MECOM: variants seen among roughly 807,000 people sequenced by gnomAD.
MECOM encodes MDS1 and EVI1 complex locus.
Under a neutral mutation model 116.3 loss-of-function variants are expected in MECOM, and 13 were observed. The observed-to-expected ratio is 0.11, with a 90% CI of 0.07 to 0.18. The LOEUF is 0.18. Among genes scored for constraint, MECOM ranks in the 10% least tolerant of loss-of-function variants. The probability of loss-of-function intolerance (pLI) is 1.00; values close to 1 mark genes in which losing one functional copy is unlikely to be tolerated. For synonymous variants in MECOM, 528 were observed against 535.2 expected (o/e 0.99, Z 0.19); for missense variants, 1,299 against 1,509.0 (o/e 0.86, Z 2.31).
At chr3:169,473,902 A>G (rs1275092740) in intron 1 of MECOM, among the ~76,000 whole-genome samples, 1 of 113,476 alleles carries the variant, frequency 8.8e-6, no homozygotes, top group Non-Finnish European at 1.7e-5. Flanking sequence ...TTATATCTAT[A>G]GATAGATAGA....
chr3:169,097,302 T>C (rs906820129), intron 12 of MECOM, among the ~76,000 whole-genome samples: 1 of 152,110 alleles, frequency 6.6e-6, no homozygotes, highest in Non-Finnish European at 1.5e-5. Context: ...CAATGATCAG[T>C]TGTTACTTTC....
At chr3:169,086,732 G>A (rs1351944765) in intron 16 of MECOM, among the ~76,000 whole-genome samples, 1 of 152,162 alleles carries the variant, frequency 6.6e-6, no homozygotes, top group East Asian at 1.9e-4. Context: ...TTTCTTGAGG[G>A]AGAGCACATG....
At chr3:169,447,328 G>C (rs1744817122) in intron 1 of MECOM, among the ~76,000 whole-genome samples, 2 of 152,030 alleles carry the variant, frequency 1.3e-5, no homozygotes, top group South Asian at 2.1e-4. Context: ...GGCAAAGCAG[G>C]CATTTTGTAA....
intron 1 of MECOM, among the ~76,000 whole-genome samples, chr3:169,452,020 T>C (rs569556815): frequency 1.3e-5 from 2 of 152,096 alleles, no homozygotes; most frequent in South Asian, 4.1e-4. Context: ...TACTAGTCTC[T>C]AGTAATGCTT....
At chr3:169,497,334 CTCTTTT>C (rs1372537920) in intron 1 of MECOM, among the ~76,000 whole-genome samples, 1 of 151,570 alleles carries the variant, frequency 6.6e-6, no homozygotes, top group African/African-American at 2.4e-5. Flanking sequence ...TTCAATTTTT[CTCTTTT>C]TCTTTTTCTT....
At chr3:169,562,759 C>T (rs1300131628) in intron 1 of MECOM, among the ~76,000 whole-genome samples, 2 of 152,036 alleles carry the variant, frequency 1.3e-5, no homozygotes, top group African/African-American at 4.8e-5. Flanking sequence ...GGCTGCTTAT[C>T]ACATAGAAAT....
At chr3:169,127,799 CA>C (rs1733387857) in intron 5 of MECOM, 44 bp downstream of exon 5, 1 of 1,558,012 alleles carries the variant, frequency 6.4e-7, no homozygotes, top group Non-Finnish European at 8.8e-7. Context: ...CATAACATTG[CA>C]GAAAAAATAC....
intron 1 of MECOM, among the ~76,000 whole-genome samples, chr3:169,497,575 C>T (rs977050998): frequency 1.3e-5 from 2 of 152,088 alleles, no homozygotes. Flanking sequence ...CCAGGCTGGT[C>T]TCAAACTCCT....
intron 1 of MECOM, among the ~76,000 whole-genome samples, chr3:169,652,606 G>A (rs1775054341): frequency 1.3e-5 from 2 of 152,314 alleles, no homozygotes; most frequent in South Asian, 2.1e-4. Context: ...ATGGGGGTTA[G>A]AGGAGTGGGG....
chr3:169,263,110 TA>T (rs1757779894), intron 2 of MECOM, among the ~76,000 whole-genome samples: 1 of 99,660 alleles, frequency 1.0e-5, no homozygotes, highest in African/African-American at 5.2e-5. Flanking sequence ...TATATATATA[TA>T]TATATATATA....
At chr3:169,508,786 A>T (rs1184300189) in intron 1 of MECOM, among the ~76,000 whole-genome samples, 1 of 152,202 alleles carries the variant, frequency 6.6e-6, no homozygotes, top group East Asian at 1.9e-4. Context: ...TGATCATTCT[A>T]CTGGGAACTA....
intron 3 of MECOM, among the ~76,000 whole-genome samples, chr3:169,132,953 T>C (rs1177627318): frequency 6.6e-6 from 1 of 151,772 alleles, no homozygotes; most frequent in African/African-American, 2.4e-5. Context: ...GGGATTTCAC[T>C]GTGTTACTCT....
intron 16 of MECOM, among the ~76,000 whole-genome samples, chr3:169,087,570 C>T (rs1021285395): frequency 6.6e-6 from 1 of 152,138 alleles, no homozygotes; most frequent in African/African-American, 2.4e-5. Context: ...GCACTCCAGT[C>T]TTAGCAGCTG....
intron 1 of MECOM, among the ~76,000 whole-genome samples, chr3:169,619,036 C>T (rs1770367772): frequency 6.6e-6 from 1 of 151,896 alleles, no homozygotes; most frequent in South Asian, 2.1e-4. Flanking sequence ...AAAAAGTCCA[C>T]TCTTTTCTAC....
At chr3:169,570,012 T>C (rs1763691327) in intron 1 of MECOM, among the ~76,000 whole-genome samples, 1 of 151,954 alleles carries the variant, frequency 6.6e-6, no homozygotes, top group African/African-American at 2.4e-5. Context: ...GGATAGAGAC[T>C]TGAAGAACCC....
chr3:169,411,043 T>G (rs911026826), intron 1 of MECOM, among the ~76,000 whole-genome samples: 4 of 152,154 alleles, frequency 2.6e-5, no homozygotes, highest in African/African-American at 4.8e-5. Flanking sequence ...TCCATATGAA[T>G]ATATGCATAT....
At chr3:169,559,022 C>G (rs1413694730) in intron 1 of MECOM, among the ~76,000 whole-genome samples, 1 of 151,170 alleles carries the variant, frequency 6.6e-6, no homozygotes, top group African/African-American at 2.4e-5. Context: ...CATCTACACA[C>G]ACACACACTA....
At chr3:169,360,149 C>T (rs56302813) in intron 2 of MECOM, among the ~76,000 whole-genome samples, 2 of 151,530 alleles carry the variant, frequency 1.3e-5, no homozygotes, top group Non-Finnish European at 3.0e-5. Flanking sequence ...TATACCCCTT[C>T]TAATATCCTG....
intron 2 of MECOM, among the ~76,000 whole-genome samples, chr3:169,270,301 A>C (rs900859535): frequency 7.2e-5 from 11 of 152,158 alleles, no homozygotes; most frequent in African/African-American, 2.7e-4. Context: ...AGTGAAAAAT[A>C]AATCCTAAAT....
Sources: allele counts gnomAD v4.1 joint callset (sites outside exome capture counted in the v4.1 genomes callset), GRCh38; gene constraint gnomAD v4.1.1; transcripts MANE v1.5; gene names NCBI Gene and HGNC (gene_info 2026-07-23, HGNC 2026-07-21).